Variants in CEP128 observed in about 807,000 individuals in gnomAD.
CEP128 encodes the protein centrosomal protein 128, also known as centrosomal protein 128kDa.
CEP128 carries 132 observed loss-of-function variants against 156.7 expected under a neutral mutation model. The observed-to-expected ratio is 0.84, with a 90% confidence interval of 0.73 to 0.97. The LOEUF is 0.97. Among genes scored for constraint, CEP128 ranks in the 50% least tolerant of loss-of-function variants. The pLI is 0.00. For synonymous variants in CEP128, 469 were observed against 448.9 expected (o/e 1.04, Z -0.57); for missense variants, 1,252 against 1,281.9 (o/e 0.98, Z 0.36).
At chr14:80,846,445 G>C (rs760540627) in intron 9 of CEP128, among the ~76,000 whole-genome samples, 1 of 99,978 alleles carries the variant, frequency 1.0e-5, no homozygotes, top group Non-Finnish European at 2.2e-5. Flanking sequence ...GGAAAGAAGA[G>C]ATAAAAGAAG....
rs538980051 is a variant in CEP128 at position 80,855,137 on chromosome 14, C to A, written c.762+7620G>T. Among the ~76,000 whole-genome samples, 7 of 152,208 alleles carry A rather than the reference C, an allele frequency of 4.6e-5. No homozygotes were observed. In the South Asian group the frequency reaches 1.5e-3, roughly 32 times the overall value. On this transcript the variant is annotated intron_variant, in intron 9 of 24. Coordinates refer to ENST00000555265, the MANE Select transcript of CEP128 (RefSeq NM_152446.5). ...AGTTTTAGGATTTTCACTTGCTACA[C>A]GCATTTTCCAACAAAGTAGTACATG...
chr14:80,629,131 A>G (rs1025332491), intron 19 of CEP128, among the ~76,000 whole-genome samples: 3 of 140,572 alleles, frequency 2.1e-5, no homozygotes, highest in Admixed American at 7.4e-5. Context: ...ACAATTCACT[A>G]CTTTCTTTCC....
At chr14:80,869,513 A>G (rs1445218141) in intron 8 of CEP128, among the ~76,000 whole-genome samples, 1 of 152,074 alleles carries the variant, frequency 6.6e-6, no homozygotes, top group Non-Finnish European at 1.5e-5. Context: ...TCTCAAATAA[A>G]TAACCTAACT....
At chr14:80,597,177 T>C (rs1595065206) in intron 19 of CEP128, among the ~76,000 whole-genome samples, 1 of 151,764 alleles carries the variant, frequency 6.6e-6, no homozygotes, top group Admixed American at 6.6e-5. Context: ...TTTACCAAGA[T>C]TGACAGAGAA....
chr14:80,678,827 G>A (rs1189308535), intron 19 of CEP128, among the ~76,000 whole-genome samples: 12 of 152,080 alleles, frequency 7.9e-5, no homozygotes, highest in Non-Finnish European at 2.9e-5. Context: ...TTTTAATTTG[G>A]GTCCATGTTG....
chr14:80,727,457 C>T (rs966006874), intron 19 of CEP128, among the ~76,000 whole-genome samples: 2 of 151,598 alleles, frequency 1.3e-5, no homozygotes, highest in African/African-American at 4.8e-5. Context: ...AAAAAGAGAC[C>T]GAAAAACCAA....
intron 20 of CEP128, among the ~76,000 whole-genome samples, chr14:80,567,256 A>T (rs1890952808): frequency 6.6e-6 from 1 of 152,066 alleles, no homozygotes; most frequent in South Asian, 2.1e-4. Flanking sequence ...TTCAGTTTTG[A>T]CATTGTTCAG....
At chr14:80,846,390 T>C (rs2140101899) in intron 9 of CEP128, among the ~76,000 whole-genome samples, 1 of 152,254 alleles carries the variant, frequency 6.6e-6, no homozygotes, top group Admixed American at 6.6e-5. Context: ...GTAATGACTC[T>C]TCAAGAACCT....
At chr14:80,816,988 T>C (rs369876888) in intron 13 of CEP128, among the ~76,000 whole-genome samples, 3 of 145,540 alleles carry the variant, frequency 2.1e-5, no homozygotes, top group East Asian at 3.9e-4. Flanking sequence ...AACAACTAGG[T>C]AGCAATCAGT....
At chr14:80,744,503 T>C (rs1446695115) in intron 18 of CEP128, among the ~76,000 whole-genome samples, 1 of 149,618 alleles carries the variant, frequency 6.7e-6, no homozygotes, top group Non-Finnish European at 1.5e-5. Flanking sequence ...TTTTAAAAAT[T>C]AACATTTCTA....
At chr14:80,903,221 AT>A (rs1308689956) in intron 6 of CEP128, among the ~76,000 whole-genome samples, 2 of 152,272 alleles carry the variant, frequency 1.3e-5, no homozygotes, top group Non-Finnish European at 2.9e-5. Context: ...CGGTCAACTG[AT>A]TTTTTATGAA....
intron 19 of CEP128, among the ~76,000 whole-genome samples, chr14:80,694,564 C>G (rs1199310078): frequency 6.6e-6 from 1 of 152,092 alleles, no homozygotes; most frequent in Non-Finnish European, 1.5e-5. Flanking sequence ...GGAATATATG[C>G]AGCCATAAAA....
chr14:80,901,772 C>A (rs1054324468), intron 6 of CEP128, among the ~76,000 whole-genome samples: 1 of 152,232 alleles, frequency 6.6e-6, no homozygotes, highest in African/African-American at 2.4e-5. Context: ...ACCTCCTTCT[C>A]TCCAGCTCCA....
At position 80,819,383 on chromosome 14, in the gene CEP128, A is replaced by G. The variant is rs530441926; in HGVS notation, c.1209+11760T>C. On this transcript the variant is annotated intron_variant, in intron 13 of 24. Coordinates refer to ENST00000555265, the MANE Select transcript of CEP128 (RefSeq NM_152446.5). Reference sequence around the variant, plus strand: ...TGCCTCAGCCTCCCGAGTAGCTGGGACTACAGGTGCTTGCCACCACGCCCG... The same window carrying G: ...TGCCTCAGCCTCCCGAGTAGCTGGGGCTACAGGTGCTTGCCACCACGCCCG... Among the ~76,000 whole-genome samples, 44 of 151,362 alleles carry G rather than the reference A, an allele frequency of 2.9e-4. No individual in the cohort carries two copies. The South Asian group carries it at 9.2e-3, about 32-fold the overall frequency.
At chr14:80,925,843 T>C (rs1885114703) in intron 2 of CEP128, among the ~76,000 whole-genome samples, 1 of 152,088 alleles carries the variant, frequency 6.6e-6, no homozygotes. Context: ...ACTGCCTCCA[T>C]GATACACTCT....
intron 13 of CEP128, among the ~76,000 whole-genome samples, chr14:80,824,710 A>G (rs12586162): frequency 0.13 from 19,066 of 152,218 alleles, 1,632 homozygotes; most frequent in East Asian, 0.45. Context: ...TGCTATCAGC[A>G]TTTTGGGCAA....
intron 21 of CEP128, among the ~76,000 whole-genome samples, chr14:80,544,925 T>C (rs1889919169): frequency 6.6e-6 from 1 of 152,210 alleles, no homozygotes; most frequent in Non-Finnish European, 1.5e-5. Context: ...TCATAGAAGA[T>C]CTTTTTAAGA....
At chr14:80,856,720 CTTTTTTTTT>C (rs766724436) in intron 9 of CEP128, among the ~76,000 whole-genome samples, 7 of 65,188 alleles carry the variant, frequency 1.1e-4, no homozygotes, top group Admixed American at 2.0e-4. Flanking sequence ...TTTTTCTTTT[CTTTTTTTTT>C]TTTTTTTTTT....
At chr14:80,580,241 C>A in intron 20 of CEP128, 133 bp downstream of exon 20, 1 of 555,996 alleles carries the variant, frequency 1.8e-6, no homozygotes, top group Non-Finnish European at 3.1e-6. Flanking sequence ...AAGCAAATTC[C>A]AACTTTATAG....
Sources: gnomAD v4.1 joint callset for allele counts (sites outside exome capture counted in the v4.1 genomes callset) on GRCh38, gnomAD v4.1.1 for gene constraint, MANE v1.5 for transcripts, NCBI Gene and HGNC (gene_info 2026-07-23, HGNC 2026-07-21) for gene names.